The following C8orf74 variants were observed in gnomAD, a reference collection of about 807,000 sequenced individuals.
C8orf74 encodes uncharacterized protein C8orf74.
C8orf74 carries 29 observed loss-of-function variants against 22.2 expected under a neutral mutation model. The observed-to-expected ratio is 1.31, with a 90% CI of 0.97 to 1.78. The LOEUF is 1.78. Ranked by LOEUF, C8orf74 falls within the 40% of genes most tolerant of loss-of-function variation. The pLI is 0.00. For missense variants in C8orf74, 515 were observed against 369.9 expected, an observed-to-expected ratio of 1.39 and a Z score of -3.22; for synonymous variants, 255 against 163.1, an observed-to-expected ratio of 1.56 and a Z score of -4.30.
intron 2 of C8orf74, chr8:10,689,247 G>C (rs981296770): frequency 3.3e-5 from 5 of 152,218 alleles, no homozygotes; most frequent in African/African-American, 1.2e-4. Flanking sequence ...CCACAGGTTA[G>C]CTTTAGGCAA....
Position 10,698,002 on chromosome 8 carries a change from A to C in C8orf74, c.645A>C (p.Arg215Ser), listed in dbSNP as rs184697570. The C allele has an allele frequency of 8.7e-5, 129 of 1,478,316 alleles. No individual in the cohort carries two copies. The African/African-American group carries it at 1.6e-3, about 18-fold the overall frequency. 91.6% of individuals were successfully genotyped at this position (1,478,316 alleles called of 1,614,324 possible). Reference sequence around the variant, plus strand: ...CGCAGCCCGGCCAGGTCCTGGAGAGACAGGTGAGGCTCTGCCCCCCTGCCG... The same window carrying C: ...CGCAGCCCGGCCAGGTCCTGGAGAGCCAGGTGAGGCTCTGCCCCCCTGCCG... ...APAQPGQVLE[R>S]QELESLICQA... is the part of the protein sequence containing the mutation. Residue 215 changes from arginine (R) to serine (S), a missense_variant, in exon 3 of 4, where the codon AGA becomes AGC. Coordinates refer to ENST00000304519, the MANE Select transcript of C8orf74 (RefSeq NM_001040032.2).
chr8:10,694,539 A>G (rs189189559), intron 2 of C8orf74, among the ~76,000 whole-genome samples: 2 of 152,284 alleles, frequency 1.3e-5, no homozygotes, highest in Admixed American at 1.3e-4. Flanking sequence ...CAGGTGGGGA[A>G]TAATCAATTA....
Position 10,697,785 on chromosome 8 carries a change from AGGT to A in C8orf74, c.430_432del (p.Val144del), listed in dbSNP as rs1799558084. Reference sequence around the variant, plus strand: ...GTCGACCTGACCGTTGCCCACCTGGAGGTGTGCATGCCACCCCATCCCCTCCCG... The same window carrying A: ...GTCGACCTGACCGTTGCCCACCTGGAGTGCATGCCACCCCATCCCCTCCCG... On this transcript the variant is annotated inframe_deletion, in exon 3 of 4. Coordinates refer to ENST00000304519, the MANE Select transcript of C8orf74 (RefSeq NM_001040032.2). The A allele has an allele frequency of 6.2e-7, 1 of 1,613,878 alleles. No individual in the cohort carries two copies.
intron 2 of C8orf74, chr8:10,691,333 C>T (rs1176796321): frequency 5.3e-6 from 1 of 188,656 alleles, no homozygotes; most frequent in Non-Finnish European, 1.1e-5. Context: ...ACTACTGAGC[C>T]TGGCAGACTT....
At chr8:10,698,592 T>C (rs1284215506) in intron 3 of C8orf74, among the ~76,000 whole-genome samples, 2 of 152,070 alleles carry the variant, frequency 1.3e-5, no homozygotes, top group African/African-American at 4.8e-5. Flanking sequence ...GCTGCCAGCA[T>C]TTCCCATGAC....
At chr8:10,682,912 G>A (rs1011115579) in intron 2 of C8orf74, among the ~76,000 whole-genome samples, 1 of 152,244 alleles carries the variant, frequency 6.6e-6, no homozygotes, top group East Asian at 1.9e-4. Flanking sequence ...ACCTGGCTTC[G>A]CAGGTGCCAT....
chr8:10,692,620 T>G (rs898069622), intron 2 of C8orf74: 1 of 152,112 alleles, frequency 6.6e-6, no homozygotes, highest in African/African-American at 2.4e-5. Flanking sequence ...GATCCTTCTA[T>G]CTCAACCTCC....
chr8:10,675,237 G>C (rs1484528405), intron 2 of C8orf74, among the ~76,000 whole-genome samples: 1 of 152,222 alleles, frequency 6.6e-6, no homozygotes, highest in Admixed American at 6.5e-5. Context: ...GGTGCCGGGG[G>C]AGTCCTGGAG....
intron 2 of C8orf74, chr8:10,675,757 G>C (rs1261569220): frequency 6.6e-6 from 1 of 152,208 alleles, no homozygotes; most frequent in African/African-American, 2.4e-5. Context: ...ATCTAATCAA[G>C]AGAAAACAGC....
chr8:10,690,685 TC>T (rs1327305935), intron 2 of C8orf74, among the ~76,000 whole-genome samples: 1 of 151,536 alleles, frequency 6.6e-6, no homozygotes, highest in African/African-American at 2.4e-5. Flanking sequence ...GTGGCGCATC[TC>T]CCCCCGGCTC....
At chr8:10,684,215 G>C (rs1039650243) in intron 2 of C8orf74, among the ~76,000 whole-genome samples, 2 of 152,226 alleles carry the variant, frequency 1.3e-5, no homozygotes, top group Admixed American at 6.5e-5. Context: ...AGAGAGGTTT[G>C]ATAACTTGCC....
intron 2 of C8orf74, among the ~76,000 whole-genome samples, chr8:10,676,463 A>T (rs1032067004): frequency 6.6e-6 from 1 of 152,176 alleles, no homozygotes; most frequent in Non-Finnish European, 1.5e-5. Flanking sequence ...CAATCGATTT[A>T]CCAAACAGCG....
chr8:10,693,117 C>A (rs569968494), intron 2 of C8orf74: 29 of 152,656 alleles, frequency 1.9e-4, no homozygotes, highest in African/African-American at 6.7e-4. Context: ...TACCCAGCCT[C>A]ATCTCCAGCC....
At chr8:10,693,391 G>A (rs577330520) in intron 2 of C8orf74, among the ~76,000 whole-genome samples, 2 of 152,286 alleles carry the variant, frequency 1.3e-5, no homozygotes, top group Non-Finnish European at 2.9e-5. Context: ...CTTGTGCAGA[G>A]CTAGATATCT....
rs187194389 is a variant in C8orf74, at chr8:10,693,915, G to A, written c.242-3684G>A. On this transcript the variant is annotated intron_variant, in intron 2 of 3. Transcript: ENST00000304519. ...TGTCTTCCACCCACCTCTCCATGCA[G>A]CTCTTGCCATCATCTGCCTCCACCT... Among the ~76,000 whole-genome samples the A allele has an allele frequency of 1.5e-4, 23 of 152,320 alleles. 1 individual carries two copies. The highest frequency in any genetic ancestry group is 1.2e-3 in the Admixed American group (18 of 15,300).
intron 3 of C8orf74, among the ~76,000 whole-genome samples, chr8:10,699,192 C>T (rs981974136): frequency 6.6e-5 from 10 of 152,188 alleles, no homozygotes; most frequent in Admixed American, 2.0e-4. Flanking sequence ...CACAGCTGTT[C>T]CTGCCTGCTC....
chr8:10,691,672 G>C (rs935433551), intron 2 of C8orf74: 1 of 152,374 alleles, frequency 6.6e-6, no homozygotes, highest in African/African-American at 2.4e-5. Flanking sequence ...TCCTCCATGC[G>C]GCCACCGACT....
At chr8:10,696,940 G>A (rs1174073976) in intron 2 of C8orf74, among the ~76,000 whole-genome samples, 2 of 145,164 alleles carry the variant, frequency 1.4e-5, no homozygotes, top group Admixed American at 1.4e-4. Flanking sequence ...TGGGAGGATA[G>A]CTTATGCCCA....
At position 10,674,643 on chromosome 8, in the gene C8orf74, CAGAG is replaced by C; in HGVS notation, c.49-1_51del. 1 of 1,604,398 alleles carries C rather than the reference CAGAG, an allele frequency of 6.2e-7. No individual in the cohort carries two copies. Among genetic ancestry groups the C allele is most frequent in the Non-Finnish European group, 8.5e-7 (1 of 1,175,502 alleles). ...CCTGCAGTTCCCATGTCATTCCCTG[CAGAG>C]ACCACAAGGTCGGGAGCGCCTGCGG... is the stretch of plus-strand genomic sequence containing the variant. On this transcript the variant is annotated splice_acceptor_variant and coding_sequence_variant, in exon 2 of 4. Transcript: ENST00000304519. LOFTEE classifies it high-confidence loss of function.
Sources: allele counts gnomAD v4.1 joint callset (sites outside exome capture counted in the v4.1 genomes callset), GRCh38; gene constraint gnomAD v4.1.1; transcripts MANE v1.5; gene names NCBI Gene and HGNC (gene_info 2026-07-23, HGNC 2026-07-21).